Variants in TENM3 observed in about 807,000 individuals in gnomAD.
TENM3 encodes the protein teneurin-3.
A neutral mutation model predicts 255.1 loss-of-function variants in TENM3; 63 were observed. The observed-to-expected ratio is 0.25, with a 90% CI of 0.20 to 0.30. TENM3 has a LOEUF of 0.30. TENM3 is among the 10% of genes least tolerant of loss of function. The pLI is 1.00. For synonymous variants in TENM3, 1,306 were observed against 1,322.3 expected (o/e 0.99, Z 0.27); for missense variants, 2,929 against 3,461.1 (o/e 0.85, Z 3.86).
the TENM3 span, among the ~76,000 whole-genome samples, chr4:181,588,889 C>T: frequency 9.2e-5 from 14 of 152,130 alleles, no homozygotes; most frequent in South Asian, 2.5e-3. Flanking sequence ...AGATGTCAAC[C>T]CCATAGAGAG....
the TENM3 span, among the ~76,000 whole-genome samples, chr4:182,037,553 C>A: frequency 6.6e-6 from 1 of 152,300 alleles, no homozygotes; most frequent in Admixed American, 6.5e-5. Flanking sequence ...TGTTCAGTAT[C>A]AGCAGAATAA....
chr4:182,068,623 G>A, the TENM3 span, among the ~76,000 whole-genome samples: 2 of 151,890 alleles, frequency 1.3e-5, no homozygotes, highest in African/African-American at 4.8e-5. Flanking sequence ...TATCATAAAA[G>A]AATATTTAAT....
intron 3 of TENM3, among the ~76,000 whole-genome samples, chr4:182,466,289 G>C (rs1732584624): frequency 6.6e-6 from 1 of 152,154 alleles, no homozygotes; most frequent in Non-Finnish European, 1.5e-5. Context: ...ACACAGCCAT[G>C]CTTCCTCTGA....
At chr4:181,920,361 G>A in the TENM3 span, among the ~76,000 whole-genome samples, 2 of 151,788 alleles carry the variant, frequency 1.3e-5, no homozygotes, top group East Asian at 3.9e-4. Context: ...CAGTGTAAAA[G>A]TGTTCCTATT....
the TENM3 span, among the ~76,000 whole-genome samples, chr4:181,538,166 CAAATGTTAA>C: frequency 3.3e-3 from 507 of 152,146 alleles, 4 homozygotes; most frequent in African/African-American, 0.012. Flanking sequence ...AATAATATTT[CAAATGTTAA>C]AAATGCACTT....
intron 12 of TENM3, among the ~76,000 whole-genome samples, chr4:182,688,676 T>A (rs1756785657): frequency 6.6e-6 from 1 of 152,236 alleles, no homozygotes; most frequent in Non-Finnish European, 1.5e-5. Flanking sequence ...CATATTGTCA[T>A]TGCATTTCTT....
At chr4:181,757,196 GA>G in the TENM3 span, among the ~76,000 whole-genome samples, 1 of 152,124 alleles carries the variant, frequency 6.6e-6, no homozygotes. Flanking sequence ...GTTTTTATTA[GA>G]AGCCACAATA....
intron 3 of TENM3, among the ~76,000 whole-genome samples, chr4:182,508,017 G>T (rs2151698033): frequency 6.6e-6 from 1 of 152,152 alleles, no homozygotes; most frequent in East Asian, 1.9e-4. Flanking sequence ...CTGGTATCAG[G>T]TTTCCTGGGA....
the TENM3 span, among the ~76,000 whole-genome samples, chr4:181,745,705 A>G: frequency 1.3e-5 from 2 of 152,200 alleles, no homozygotes; most frequent in African/African-American, 2.4e-5. Flanking sequence ...GCTATGTACA[A>G]GGTCATCAGC....
At chr4:182,273,710 T>A (rs1202945777) in intron 1 of TENM3, among the ~76,000 whole-genome samples, 3 of 152,228 alleles carry the variant, frequency 2.0e-5, no homozygotes, top group Non-Finnish European at 4.4e-5. Flanking sequence ...TGGCCTACCC[T>A]ATTCAGACTT....
At chr4:182,246,285 G>A (rs1470411168) in intron 1 of TENM3, among the ~76,000 whole-genome samples, 1 of 152,154 alleles carries the variant, frequency 6.6e-6, no homozygotes, top group Non-Finnish European at 1.5e-5. Flanking sequence ...TTAAAAAGAA[G>A]TCATGGAAGC....
At chr4:182,785,544 C>T (rs1242031183) in intron 24 of TENM3, among the ~76,000 whole-genome samples, 5 of 151,084 alleles carry the variant, frequency 3.3e-5, no homozygotes, top group African/African-American at 1.2e-4. Context: ...CCTGTCTCTA[C>T]TAAAAATACA....
the TENM3 span, among the ~76,000 whole-genome samples, chr4:182,089,486 A>G: frequency 3.9e-5 from 6 of 152,166 alleles, no homozygotes; most frequent in Non-Finnish European, 8.8e-5. Flanking sequence ...CAACCAAAAA[A>G]TCAATTAAGG....
chr4:182,133,813 C>A, the TENM3 span, among the ~76,000 whole-genome samples: 27 of 152,256 alleles, frequency 1.8e-4, no homozygotes, highest in Non-Finnish European at 2.4e-4. Context: ...GCAACAACTT[C>A]TTTTTAATAG....
chr4:182,736,799 C>G lies in TENM3; in HGVS notation c.2968-9C>G, dbSNP rs1316926497. On this transcript the variant is annotated splice_polypyrimidine_tract_variant and intron_variant, in intron 16 of 27. Transcript: ENST00000511685. ...CACAGTTTGAAACTTCTGCTTTATT[C>G]AAACTTAGGTACTCCACGAGGAAAC... The G allele has an allele frequency of 1.2e-6, 2 of 1,607,978 alleles. No individual in the cohort carries two copies. Among genetic ancestry groups the G allele is most frequent in the Non-Finnish European group, 8.5e-7 (1 of 1,177,592 alleles).
chr4:182,775,557 C>G (rs926073441), intron 24 of TENM3, among the ~76,000 whole-genome samples: 2 of 152,208 alleles, frequency 1.3e-5, no homozygotes, highest in Non-Finnish European at 2.9e-5. Flanking sequence ...TTTGCTGCCT[C>G]TACTCACTGC....
At chr4:182,187,552 CT>C (rs977635168) in intron 1 of TENM3, among the ~76,000 whole-genome samples, 1 of 151,992 alleles carries the variant, frequency 6.6e-6, no homozygotes, top group African/African-American at 2.4e-5. Flanking sequence ...CTCCCACCCG[CT>C]TTTTTTAAAG....
intron 13 of TENM3, among the ~76,000 whole-genome samples, chr4:182,728,441 A>G (rs910932698): frequency 6.6e-6 from 1 of 152,240 alleles, no homozygotes; most frequent in Non-Finnish European, 1.5e-5. Context: ...AACAAACATT[A>G]TATGATTCTT....
chr4:181,978,482 A>T, the TENM3 span, among the ~76,000 whole-genome samples: 97 of 152,188 alleles, frequency 6.4e-4, no homozygotes, highest in African/African-American at 2.3e-3. Context: ...CACCATCTCT[A>T]CTAAAAATAC....
Sources: allele counts gnomAD v4.1 joint callset (sites outside exome capture counted in the v4.1 genomes callset), GRCh38; gene constraint gnomAD v4.1.1; transcripts MANE v1.5; gene names NCBI Gene and HGNC (gene_info 2026-07-23, HGNC 2026-07-21).